KDM4C: variants seen among roughly 807,000 people sequenced by gnomAD.
KDM4C encodes lysine demethylase 4C, also known as lysine-specific demethylase 4C.
In KDM4C, 81 loss-of-function variants were observed where a neutral mutation model predicts 129.3. The observed-to-expected ratio is 0.63, with a 90% CI of 0.52 to 0.75. KDM4C has a LOEUF of 0.75. KDM4C is among the 30% of genes least tolerant of loss of function. The pLI, the probability that KDM4C is intolerant of heterozygous loss-of-function variation, is 0.00. For synonymous variants in KDM4C, 573 were observed against 456.1 expected (o/e 1.26, Z -3.26); for missense variants, 1,457 against 1,304.0 (o/e 1.12, Z -1.81).
chr9:7,098,762 C>G (rs1246952494), intron 17 of KDM4C, among the ~76,000 whole-genome samples: 2 of 152,188 alleles, frequency 1.3e-5, no homozygotes, highest in African/African-American at 2.4e-5. Flanking sequence ...GGCAGTTGTT[C>G]CATTCTGCAT....
intron 5 of KDM4C, among the ~76,000 whole-genome samples, chr9:6,862,253 C>G (rs1351580420): frequency 6.6e-6 from 1 of 152,128 alleles, no homozygotes; most frequent in Non-Finnish European, 1.5e-5. Flanking sequence ...CCTTTGTTGT[C>G]TTCATGTCTG....
intron 5 of KDM4C, among the ~76,000 whole-genome samples, chr9:6,873,494 T>C (rs1047682589): frequency 1.1e-4 from 17 of 152,248 alleles, no homozygotes; most frequent in Non-Finnish European, 5.9e-5. Context: ...CAGCACTTGC[T>C]GTTTCACCTT....
At chr9:6,996,495 C>G (rs764221244) in intron 12 of KDM4C, among the ~76,000 whole-genome samples, 8 of 152,136 alleles carry the variant, frequency 5.3e-5, no homozygotes, top group Non-Finnish European at 2.9e-5. Flanking sequence ...CCAGCTTTTC[C>G]TACTGTTACT....
intron 6 of KDM4C, among the ~76,000 whole-genome samples, chr9:6,887,518 A>T (rs1845484954): frequency 6.6e-6 from 1 of 152,212 alleles, no homozygotes; most frequent in Admixed American, 6.5e-5. Flanking sequence ...TGTCTGCTGT[A>T]TGCCGAGGAT....
chr9:6,933,893 A>G, intron 8 of KDM4C, among the ~76,000 whole-genome samples: 1 of 139,048 alleles, frequency 7.2e-6, no homozygotes, highest in Middle Eastern at 3.3e-3. Flanking sequence ...TTTGTCACCC[A>G]GGCTGAAGTG....
At chr9:6,964,064 C>G (rs981064197) in intron 8 of KDM4C, among the ~76,000 whole-genome samples, 1 of 152,042 alleles carries the variant, frequency 6.6e-6, no homozygotes, top group African/African-American at 2.4e-5. Context: ...TTTCTGTAAT[C>G]TTTGCTTTCT....
chr9:6,967,666 A>G (rs1831235612), intron 8 of KDM4C, among the ~76,000 whole-genome samples: 1 of 152,148 alleles, frequency 6.6e-6, no homozygotes, highest in African/African-American at 2.4e-5. Flanking sequence ...TTCTGTTGCA[A>G]TCTCTTTTTA....
chr9:7,065,438 A>G (rs1474553227), intron 17 of KDM4C, among the ~76,000 whole-genome samples: 4 of 152,190 alleles, frequency 2.6e-5, no homozygotes. Flanking sequence ...TCTGTTGCTT[A>G]TAATTGAATT....
chr9:7,111,511 G>T (rs1376008312), intron 18 of KDM4C, among the ~76,000 whole-genome samples: 2 of 152,024 alleles, frequency 1.3e-5, no homozygotes, highest in Non-Finnish European at 2.9e-5. Flanking sequence ...GTGAGTTTAC[G>T]TTTATATAAC....
At chr9:6,966,205 C>T (rs1359889652) in intron 8 of KDM4C, among the ~76,000 whole-genome samples, 1 of 151,320 alleles carries the variant, frequency 6.6e-6, no homozygotes, top group East Asian at 1.9e-4. Flanking sequence ...TTTTTTTAGA[C>T]GGAGTCTCGC....
intron 11 of KDM4C, 45 bp downstream of exon 11, chr9:6,986,711 G>C: frequency 7.2e-7 from 1 of 1,384,970 alleles, no homozygotes; most frequent in Non-Finnish European, 9.8e-7. Context: ...TATATGGTGA[G>C]AGCACATTTT....
chr9:7,170,415 T>C, intron 21 of KDM4C: 4 of 990,090 alleles, frequency 4.0e-6, no homozygotes, highest in Non-Finnish European at 4.8e-6. Context: ...AAACAAAGCC[T>C]AAATGCTAGT....
intron 8 of KDM4C, among the ~76,000 whole-genome samples, chr9:6,953,398 T>G (rs1385850223): frequency 6.6e-6 from 1 of 152,258 alleles, no homozygotes; most frequent in Non-Finnish European, 1.5e-5. Flanking sequence ...TTGAATTAAC[T>G]TGGCTGTTTG....
intron 8 of KDM4C, among the ~76,000 whole-genome samples, chr9:6,918,070 T>C (rs547119749): frequency 9.8e-4 from 149 of 152,322 alleles, no homozygotes; most frequent in Non-Finnish European, 1.8e-3. Context: ...GTTTGTTACA[T>C]TGGTATATTG....
intron 17 of KDM4C, among the ~76,000 whole-genome samples, chr9:7,100,012 A>G (rs962695764): frequency 1.3e-5 from 2 of 151,964 alleles, no homozygotes; most frequent in East Asian, 3.9e-4. Context: ...TTCCCTCTCT[A>G]GCCTTGACTC....
At chr9:7,002,828 T>G (rs1324632826) in intron 12 of KDM4C, among the ~76,000 whole-genome samples, 2 of 152,224 alleles carry the variant, frequency 1.3e-5, no homozygotes, top group African/African-American at 4.8e-5. Context: ...ATAACAGGCT[T>G]TAAATACTGT....
intron 21 of KDM4C, chr9:7,170,555 T>A (rs1844854461): frequency 4.2e-6 from 4 of 957,284 alleles, no homozygotes; most frequent in Non-Finnish European, 5.0e-6. Flanking sequence ...TCACAATAAT[T>A]TAGACTTCAT....
intron 8 of KDM4C, among the ~76,000 whole-genome samples, chr9:6,943,411 A>T (rs1243538200): frequency 6.6e-6 from 1 of 152,180 alleles, no homozygotes; most frequent in Non-Finnish European, 1.5e-5. Flanking sequence ...CACCACTTTA[A>T]AATTGCACAA....
chr9:6,995,873 G>A (rs534797239), intron 12 of KDM4C, among the ~76,000 whole-genome samples: 13 of 145,214 alleles, frequency 9.0e-5, no homozygotes, highest in East Asian at 5.9e-4. Flanking sequence ...GGGTTTCACT[G>A]TGTTAGCCAG....
Sources: allele counts gnomAD v4.1 joint callset (sites outside exome capture counted in the v4.1 genomes callset), GRCh38; gene constraint gnomAD v4.1.1; transcripts MANE v1.5; gene names NCBI Gene and HGNC (gene_info 2026-07-23, HGNC 2026-07-21).